Variants in CNGB3 observed in about 807,000 individuals in gnomAD.
CNGB3 encodes cyclic nucleotide gated channel subunit beta 3.
CNGB3 carries 86 observed loss-of-function variants against 92.8 expected under a neutral mutation model. The observed-to-expected ratio is 0.93, with a 90% CI of 0.78 to 1.11. The LOEUF is 1.11. Among genes scored for constraint, CNGB3 ranks in the 50% least tolerant of loss-of-function variants. The pLI is 0.00. For missense variants in CNGB3, 1,026 were observed against 956.8 expected, an observed-to-expected ratio of 1.07 and a Z score of -0.95; for synonymous variants, 333 against 332.7, an observed-to-expected ratio of 1.00 and a Z score of -0.01.
chr8:86,576,310 G>T (rs1358772389), intron 17 of CNGB3, among the ~76,000 whole-genome samples, 180 bp from the exon 18 acceptor site: 1 of 152,052 alleles, frequency 6.6e-6, no homozygotes, highest in Admixed American at 6.6e-5. Flanking sequence ...TGGTGTGCTA[G>T]AGAATGGACT....
rs1209870012 is a variant in CNGB3, at chr8:86,576,081, T to A, written c.2153A>T (p.Asp718Val). ...GGEEEGKENE[D>V]KQKENEDKQK... ...TTTATCTTCATTTTCTTTTTGTTTA[T>A]CTTCATTTTCTTTTCCTTCTTCCTC... is the stretch of plus-strand genomic sequence containing the variant. Residue 718 changes from aspartate to valine, a missense_variant, in exon 18 of 18, where the codon GAT becomes GTT. Transcript: ENST00000320005. 1 of 1,603,434 alleles carries A rather than the reference T, an allele frequency of 6.2e-7. No individual in the cohort carries two copies. The highest frequency in any genetic ancestry group is 2.2e-5 in the East Asian group (1 of 44,822).
intron 5 of CNGB3, 52 bp downstream of exon 5, chr8:86,667,967 T>G: frequency 6.3e-7 from 1 of 1,598,168 alleles, no homozygotes; most frequent in Non-Finnish European, 8.6e-7. Context: ...GTCACAGGGT[T>G]TCTTGGTGAT....
intron 13 of CNGB3, among the ~76,000 whole-genome samples, chr8:86,613,430 C>T (rs933903374): frequency 1.3e-5 from 2 of 152,148 alleles, no homozygotes; most frequent in Non-Finnish European, 2.9e-5. Flanking sequence ...TTAAAACTCA[C>T]TTAGAAAAAG....
At chr8:86,732,580 A>T (rs1274996616) in intron 2 of CNGB3, among the ~76,000 whole-genome samples, 1 of 152,216 alleles carries the variant, frequency 6.6e-6, no homozygotes, top group Non-Finnish European at 1.5e-5. Flanking sequence ...ATGGCTTTTC[A>T]GCTCCAGTTA....
At chr8:86,598,750 C>T (rs550292904) in intron 15 of CNGB3, among the ~76,000 whole-genome samples, 39 of 152,284 alleles carry the variant, frequency 2.6e-4, no homozygotes, top group African/African-American at 9.4e-4. Flanking sequence ...TTTATAAAGA[C>T]ACTTATAAAA....
chr8:86,589,051 C>T (rs1355557068), intron 15 of CNGB3, among the ~76,000 whole-genome samples: 2 of 152,096 alleles, frequency 1.3e-5, no homozygotes, highest in Admixed American at 1.3e-4. Flanking sequence ...TCAACTTCTT[C>T]CTGGTTTAGT....
chr8:86,575,586 A>C lies in CNGB3; in HGVS notation c.*218T>G. On this transcript the variant is annotated 3_prime_UTR_variant, in exon 18 of 18. Coordinates refer to ENST00000320005, the MANE Select transcript of CNGB3 (RefSeq NM_019098.5). ...ATTAGAAGATATAGCAATTGCATAA[A>C]GTTAATGAAAACGGAGAATAGGGAT... is the stretch of plus-strand genomic sequence containing the variant. 1 of 499,400 alleles carries C rather than the reference A, an allele frequency of 2.0e-6. No individual in the cohort carries two copies. Among genetic ancestry groups the C allele is most frequent in the East Asian group, 3.2e-5 (1 of 31,530 alleles). 30.9% of individuals were successfully genotyped at this position (499,400 alleles called of 1,614,324 possible).
At chr8:86,689,216 A>C (rs954123942) in intron 3 of CNGB3, among the ~76,000 whole-genome samples, 3 of 151,736 alleles carry the variant, frequency 2.0e-5, no homozygotes, top group African/African-American at 7.3e-5. Context: ...ACCCTTGAGA[A>C]TGATCCATTT....
chr8:86,743,423 G>A (rs1042892416), intron 1 of CNGB3, 76 bp downstream of exon 1: 26 of 1,523,786 alleles, frequency 1.7e-5, no homozygotes, highest in African/African-American at 1.4e-4. Context: ...ATCATATATC[G>A]TAGCAGTGAT....
intron 14 of CNGB3, among the ~76,000 whole-genome samples, chr8:86,605,901 G>A (rs1822402650): frequency 6.6e-6 from 1 of 152,132 alleles, no homozygotes. Context: ...CATCCAGGAA[G>A]CTGAAATTCT....
intron 3 of CNGB3, among the ~76,000 whole-genome samples, chr8:86,692,321 A>G (rs1824335553): frequency 6.6e-6 from 1 of 152,118 alleles, no homozygotes; most frequent in Non-Finnish European, 1.5e-5. Flanking sequence ...CTGTCAGTAA[A>G]GTATTGAAGA....
At chr8:86,709,943 G>C (rs540829699) in intron 3 of CNGB3, among the ~76,000 whole-genome samples, 24 of 152,284 alleles carry the variant, frequency 1.6e-4, no homozygotes, top group African/African-American at 5.8e-4. Context: ...TTCACAATGT[G>C]ATTGCCTTCA....
chr8:86,617,569 T>C (rs1251290132), intron 13 of CNGB3, among the ~76,000 whole-genome samples: 2 of 152,176 alleles, frequency 1.3e-5, no homozygotes, highest in Non-Finnish European at 2.9e-5. Flanking sequence ...CAAAGTCAAA[T>C]GTGATAAAAA....
chr8:86,622,773 A>G lies in CNGB3; in HGVS notation c.1578+3210T>C, dbSNP rs376151476. On this transcript the variant is annotated intron_variant, in intron 13 of 17. Coordinates refer to ENST00000320005, the MANE Select transcript of CNGB3 (RefSeq NM_019098.5). ...TTTTACTTTTATGCTTGTTGACGTT[A>G]ATCTTGTTGGCTTTGCTTGTTGTTT... is the stretch of plus-strand genomic sequence containing the variant. Among the ~76,000 whole-genome samples the G allele has an allele frequency of 4.4e-4, 67 of 152,296 alleles. No individual in the cohort carries two copies. The South Asian group carries it at 0.012, about 28-fold the overall frequency.
At chr8:86,630,672 C>T (rs778530604) in intron 11 of CNGB3, among the ~76,000 whole-genome samples, 7 of 152,054 alleles carry the variant, frequency 4.6e-5, no homozygotes, top group Non-Finnish European at 8.8e-5. Context: ...TCAAGACCAG[C>T]CTGGGCAACA....
intron 15 of CNGB3, among the ~76,000 whole-genome samples, chr8:86,597,284 C>A (rs1416707184): frequency 1.3e-5 from 2 of 152,168 alleles, no homozygotes; most frequent in Admixed American, 1.3e-4. Context: ...ACAGCCAGGG[C>A]TCATGGCTCA....
intron 15 of CNGB3, among the ~76,000 whole-genome samples, chr8:86,590,248 G>C (rs1401555278): frequency 6.6e-6 from 1 of 151,910 alleles, no homozygotes; most frequent in Non-Finnish European, 1.5e-5. Context: ...CATGTGAGAT[G>C]GGTTTCCTGA....
At chr8:86,674,962 G>GTT (rs1823937532) in intron 3 of CNGB3, among the ~76,000 whole-genome samples, 1 of 151,182 alleles carries the variant, frequency 6.6e-6, no homozygotes, top group African/African-American at 2.4e-5. Flanking sequence ...TGTTGTTGTT[G>GTT]TTGTTGTTGT....
At chr8:86,711,740 A>T (rs1444619271) in intron 3 of CNGB3, among the ~76,000 whole-genome samples, 1 of 152,002 alleles carries the variant, frequency 6.6e-6, no homozygotes, top group Non-Finnish European at 1.5e-5. Context: ...ATCTTGGTAC[A>T]TCTAGTTTTT....
Sources: allele counts gnomAD v4.1 joint callset (sites outside exome capture counted in the v4.1 genomes callset), GRCh38; gene constraint gnomAD v4.1.1; transcripts MANE v1.5; gene names NCBI Gene and HGNC (gene_info 2026-07-23, HGNC 2026-07-21).